The following PPFIA2 variants were observed in gnomAD, a reference collection of about 807,000 sequenced individuals.
PPFIA2 encodes the protein PPFI scaffold protein A2.
In PPFIA2, 46 loss-of-function variants were observed where a neutral mutation model predicts 175.5. That is an observed-to-expected ratio of 0.26 (90% CI 0.21 to 0.34). The LOEUF (loss-of-function observed/expected upper bound fraction) is 0.34. PPFIA2 is among the 10% of genes least tolerant of loss of function. PPFIA2 has a pLI of 1.00. For synonymous variants in PPFIA2, 568 were observed against 511.4 expected (o/e 1.11, Z -1.49); for missense variants, 1,179 against 1,506.1 (o/e 0.78, Z 3.60).
intron 4 of PPFIA2, among the ~76,000 whole-genome samples, chr12:81,664,282 T>G (rs1029908033): frequency 6.6e-6 from 1 of 151,946 alleles, no homozygotes; most frequent in Non-Finnish European, 1.5e-5. Context: ...ATTTTTGCAA[T>G]CTACTCATCT....
Position 81,323,222 on chromosome 12 carries a change from T to C in PPFIA2, c.2642+2555A>G, listed in dbSNP as rs1185844467. Among the ~76,000 whole-genome samples, 391 of 152,266 alleles carry C rather than the reference T, an allele frequency of 2.6e-3. 1 individual carries two copies. Among genetic ancestry groups the C allele is most frequent in the African/African-American group, 9.0e-3 (376 of 41,578 alleles). On this transcript the variant is annotated intron_variant, in intron 22 of 32. Coordinates refer to ENST00000549396, the MANE Select transcript of PPFIA2 (RefSeq NM_003625.5). ...TCCTAGCAAATTTGAAAATAAGATA[T>C]TGTCTAGTTCTGGCTATCCTCACAA...
intron 5 of PPFIA2, among the ~76,000 whole-genome samples, chr12:81,454,094 C>T (rs961424647): frequency 6.6e-6 from 1 of 152,012 alleles, no homozygotes; most frequent in Non-Finnish European, 1.5e-5. Flanking sequence ...TGGCATGTGG[C>T]TATAGTCCCA....
chr12:81,272,294 C>T (rs2039345134), intron 28 of PPFIA2, among the ~76,000 whole-genome samples: 1 of 151,966 alleles, frequency 6.6e-6, no homozygotes, highest in African/African-American at 2.4e-5. Flanking sequence ...TATGTCTCCA[C>T]CAGTATCTTT....
At chr12:81,642,606 TAC>T (rs1299832075) in intron 4 of PPFIA2, among the ~76,000 whole-genome samples, 3 of 127,152 alleles carry the variant, frequency 2.4e-5, no homozygotes, top group African/African-American at 5.8e-5. Context: ...AATATATATA[TAC>T]ACACACATAA....
intron 2 of PPFIA2, 104 bp from the exon 3 acceptor site, chr12:81,754,327 G>A (rs548114390): frequency 6.5e-6 from 9 of 1,386,404 alleles, no homozygotes; most frequent in Admixed American, 4.3e-5. Context: ...TAGCCTATTT[G>A]TCTCTATTTC....
At chr12:81,656,201 T>C (rs1056837134) in intron 4 of PPFIA2, among the ~76,000 whole-genome samples, 1 of 152,130 alleles carries the variant, frequency 6.6e-6, no homozygotes, top group African/African-American at 2.4e-5. Context: ...GGAGTATCTT[T>C]GTGGCGTATT....
At position 81,487,289 on chromosome 12, in the gene PPFIA2, G is replaced by T. The variant is rs143436260; in HGVS notation, c.304-29423C>A. 7.6e-4 allele frequency among the ~76,000 whole-genome samples: 115 copies of T among 151,914 alleles called. 1 individual carries two copies. Among genetic ancestry groups the T allele is most frequent in the Non-Finnish European group, 1.3e-3 (89 of 67,878 alleles). Reference sequence around the variant, plus strand: ...GCAACTGCTTGTTATTTGAATTCCAGCTCCATCTTTTTTAGCTGTGTGTTC... The same window carrying T: ...GCAACTGCTTGTTATTTGAATTCCATCTCCATCTTTTTTAGCTGTGTGTTC... On this transcript the variant is annotated intron_variant, in intron 4 of 32. Transcript: ENST00000549396.
chr12:81,672,812 A>G lies in PPFIA2; in HGVS notation c.303+3979T>C, dbSNP rs543917476. Among the ~76,000 whole-genome samples the G allele has an allele frequency of 1.8e-3, 275 of 152,144 alleles. 2 individuals are homozygous for G. Among genetic ancestry groups the G allele is most frequent in the Middle Eastern group, 0.014 (4 of 294 alleles). On this transcript the variant is annotated intron_variant, in intron 4 of 32. Transcript: ENST00000549396. Reference sequence around the variant, plus strand: ...TCCTGATAATAACATTTTGTAACATACAATGAAACATCTTCACATTTGACC... The same window carrying G: ...TCCTGATAATAACATTTTGTAACATGCAATGAAACATCTTCACATTTGACC...
intron 4 of PPFIA2, among the ~76,000 whole-genome samples, chr12:81,620,361 A>G (rs1290462735): frequency 2.0e-5 from 3 of 152,142 alleles, no homozygotes; most frequent in African/African-American, 7.2e-5. Context: ...ACTCCAAACA[A>G]TAATGATTCA....
chr12:81,303,978 G>A (rs2048510333), intron 22 of PPFIA2, among the ~76,000 whole-genome samples: 9 of 152,134 alleles, frequency 5.9e-5, no homozygotes, highest in Admixed American at 5.9e-4. Flanking sequence ...AGCGATTGTT[G>A]TTGTGGTCTA....
chr12:81,328,257 T>C (rs1452381475), intron 21 of PPFIA2, among the ~76,000 whole-genome samples: 1 of 152,212 alleles, frequency 6.6e-6, no homozygotes, highest in African/African-American at 2.4e-5. Context: ...CATTCTTGTC[T>C]AGGCATCAGT....
At chr12:81,260,556 C>T (rs2035087280) in intron 32 of PPFIA2, 4 of 152,068 alleles carry the variant, frequency 2.6e-5, no homozygotes, top group Admixed American at 1.3e-4. Context: ...TAATTAGGTG[C>T]CAAATTATAT....
At chr12:81,749,359 A>C (rs1400937866) in intron 3 of PPFIA2, among the ~76,000 whole-genome samples, 1 of 143,872 alleles carries the variant, frequency 7.0e-6, no homozygotes, top group Non-Finnish European at 1.6e-5. Context: ...TCTGAGAGCC[A>C]AACTTTTTTC....
intron 4 of PPFIA2, among the ~76,000 whole-genome samples, chr12:81,630,899 A>ATATATATATATATATATATAT (rs1411924550): frequency 9.4e-6 from 1 of 106,448 alleles, no homozygotes; most frequent in African/African-American, 2.9e-5. Flanking sequence ...ATATATATAT[A>ATATATATATATATATATATAT]TTTTTTTTTT....
intron 8 of PPFIA2, among the ~76,000 whole-genome samples, chr12:81,390,306 T>C (rs1027915728): frequency 6.6e-6 from 1 of 152,008 alleles, no homozygotes; most frequent in African/African-American, 2.4e-5. Flanking sequence ...ATTCCTAGAG[T>C]AGAATTGATG....
At chr12:81,578,383 A>G (rs2073916357) in intron 4 of PPFIA2, among the ~76,000 whole-genome samples, 2 of 151,796 alleles carry the variant, frequency 1.3e-5, no homozygotes, top group Admixed American at 1.3e-4. Flanking sequence ...CATCACCATC[A>G]CCATAATGAT....
intron 4 of PPFIA2, chr12:81,598,359 C>A: frequency 9.0e-7 from 1 of 1,106,586 alleles, no homozygotes; most frequent in Non-Finnish European, 1.1e-6. Flanking sequence ...TGTGGACCTG[C>A]CCATCTGTTC....
At position 81,603,817 on chromosome 12, in the gene PPFIA2, A is replaced by C. The variant is rs533784424; in HGVS notation, c.303+72974T>G. ...TACCTTTTTCAAGGACAGAATCACT[A>C]TTCTGACTAAAAAAAAAAAAAAAAA... On this transcript the variant is annotated intron_variant, in intron 4 of 32. Transcript: ENST00000549396. Among the ~76,000 whole-genome samples, 81 of 100,928 alleles carry C rather than the reference A, an allele frequency of 8.0e-4. 3 individuals are homozygous for C. The South Asian group carries it at 0.026, about 33-fold the overall frequency. The allele number at this position is 100,928 out of a possible 152,430, so 66.2% of individuals were successfully genotyped here.
At chr12:81,493,598 C>T (rs1274500806) in intron 4 of PPFIA2, among the ~76,000 whole-genome samples, 1 of 151,534 alleles carries the variant, frequency 6.6e-6, no homozygotes, top group Non-Finnish European at 1.5e-5. Context: ...GGGGCAACAG[C>T]CTGGGAAGAT....
Sources: gnomAD v4.1 joint callset for allele counts (sites outside exome capture counted in the v4.1 genomes callset) on GRCh38, gnomAD v4.1.1 for gene constraint, MANE v1.5 for transcripts, NCBI Gene and HGNC (gene_info 2026-07-23, HGNC 2026-07-21) for gene names.